The following KCNH5 variants were observed in gnomAD, a reference collection of about 807,000 sequenced individuals.
KCNH5 encodes potassium voltage-gated channel subfamily H member 5.
A neutral mutation model predicts 96.1 loss-of-function variants in KCNH5; 46 were observed. The ratio of observed to expected loss-of-function variants is 0.48; its 90% confidence interval spans 0.38 to 0.61. KCNH5 has a LOEUF of 0.61. KCNH5 is among the 20% of genes least tolerant of loss of function. The pLI, the probability that KCNH5 is intolerant of heterozygous loss-of-function variation, is 0.00. For synonymous variants in KCNH5, 439 were observed against 449.8 expected, an observed-to-expected ratio of 0.98 and a Z score of 0.30; for missense variants, 907 against 1,225.8, an observed-to-expected ratio of 0.74 and a Z score of 3.88.
intron 7 of KCNH5, among the ~76,000 whole-genome samples, chr14:62,897,533 A>C (rs539115958): frequency 3.9e-4 from 59 of 151,546 alleles, no homozygotes; most frequent in African/African-American, 1.3e-3. Context: ...ATATGGGGGG[A>C]AAAAAAACTG....
Position 62,700,726 on chromosome 14 carries a change from C to T in KCNH5, c.*6782G>A, listed in dbSNP as rs1884334719. 1 of 152,094 alleles carries T rather than the reference C, an allele frequency of 6.6e-6. No homozygotes were observed. The highest frequency in any genetic ancestry group is 1.5e-5 in the Non-Finnish European group (1 of 68,010). The allele number at this position is 152,094 out of a possible 1,614,324, so 9.4% of individuals were successfully genotyped here. ...GTTGTGATTTTGCATAGTTTACTAG[C>T]TAGGTATTCTTCCTGTTTGCAGTCT... On this transcript the variant is annotated 3_prime_UTR_variant, in exon 11 of 11. Coordinates refer to ENST00000322893, the MANE Select transcript of KCNH5 (RefSeq NM_139318.5).
chr14:62,807,204 C>T (rs751256546), intron 8 of KCNH5, among the ~76,000 whole-genome samples: 3 of 152,122 alleles, frequency 2.0e-5, no homozygotes, highest in South Asian at 2.1e-4. Context: ...TTGGATTAGA[C>T]TCTGTCAAAG....
chr14:63,021,629 T>C (rs921778068), intron 1 of KCNH5, among the ~76,000 whole-genome samples: 1 of 152,110 alleles, frequency 6.6e-6, no homozygotes, highest in East Asian at 1.9e-4. Context: ...CTATTCTCAC[T>C]GACTCCATCT....
chr14:62,924,124 A>G (rs1390270415), intron 7 of KCNH5, among the ~76,000 whole-genome samples: 2 of 152,066 alleles, frequency 1.3e-5, no homozygotes, highest in East Asian at 3.9e-4. Context: ...ACTCAAAAGC[A>G]AAGAAACAAA....
In KCNH5 at chr14:62,741,037, G is replaced by C. The variant is rs545835101; in HGVS notation, c.2020-32582C>G. 1.1e-4 allele frequency among the ~76,000 whole-genome samples: 17 copies of C among 152,160 alleles called. No homozygotes were observed. In the South Asian group the frequency reaches 2.9e-3, roughly 26 times the overall value. On this transcript the variant is annotated intron_variant, in intron 10 of 10. Coordinates refer to ENST00000322893, the MANE Select transcript of KCNH5 (RefSeq NM_139318.5). ...CTGAGTATGAAACAAAAGCAAAAAT[G>C]CTTATTAATGTAAAAGATATCCCTC... is the stretch of plus-strand genomic sequence containing the variant.
rs1218893302 is a variant in KCNH5 at position 62,699,896 on chromosome 14, A to G, written c.*7612T>C. The G allele has an allele frequency of 3.3e-5, 5 of 152,230 alleles. No homozygotes were observed. The highest frequency in any genetic ancestry group is 9.6e-5 in the African/African-American group (4 of 41,464). The allele number at this position is 152,230 out of a possible 1,614,324, so 9.4% of individuals were successfully genotyped here. A position where few individuals can be genotyped will look rare whatever the true frequency, so the allele number is the denominator to read the frequency against. On this transcript the variant is annotated 3_prime_UTR_variant, in exon 11 of 11. Coordinates refer to ENST00000322893, the MANE Select transcript of KCNH5 (RefSeq NM_139318.5). The stretch of plus-strand genomic sequence containing the variant: ...TGAAAAAAGCCAACAAGTACTGCTT[A>G]GCATAATGGTATTAAAAACATCCCA...
chr14:62,960,916 T>C (rs1343503612), intron 6 of KCNH5, among the ~76,000 whole-genome samples: 2 of 152,184 alleles, frequency 1.3e-5, no homozygotes, highest in African/African-American at 4.8e-5. Flanking sequence ...GTGGCATAAA[T>C]GGCCAGACAG....
chr14:62,769,644 T>C (rs1028572095), intron 10 of KCNH5, among the ~76,000 whole-genome samples: 11 of 152,234 alleles, frequency 7.2e-5, no homozygotes, highest in African/African-American at 2.7e-4. Flanking sequence ...CAATTAATAA[T>C]GGTAATTTTC....
intron 6 of KCNH5, among the ~76,000 whole-genome samples, chr14:62,962,018 GAGATGC>G (rs913503303): frequency 6.6e-5 from 10 of 151,470 alleles, no homozygotes; most frequent in Non-Finnish European, 8.8e-5. Flanking sequence ...GATGGAGATG[GAGATGC>G]AGATGCAGAT....
At chr14:62,746,033 G>T (rs1885368743) in intron 10 of KCNH5, among the ~76,000 whole-genome samples, 1 of 152,116 alleles carries the variant, frequency 6.6e-6, no homozygotes, top group South Asian at 2.1e-4. Flanking sequence ...TGGGGGAAGT[G>T]GCGACAGAGG....
intron 10 of KCNH5, among the ~76,000 whole-genome samples, chr14:62,709,232 C>CAAAAAAAAAAAAAAAAAAAAAAAAAA (rs67304113): frequency 1.4e-5 from 1 of 71,568 alleles, no homozygotes; most frequent in East Asian, 5.4e-4. Flanking sequence ...GACTCCTTCT[C>CAAAAAAAAAAAAAAAAAAAAAAAAAA]AAAAAAAAAA....
rs368523696 is a variant in KCNH5 at position 63,045,229 on chromosome 14, G to C, written c.-43C>G. On this transcript the variant is annotated 5_prime_UTR_variant, in exon 1 of 11. Coordinates refer to ENST00000322893, the MANE Select transcript of KCNH5 (RefSeq NM_139318.5). Reference sequence around the variant, plus strand: ...GCGGCCAGGATCCGCGGCGGGGGAGGGGGGGATGCAGGCAAAGAAGGTGGA... The same window carrying C: ...GCGGCCAGGATCCGCGGCGGGGGAGCGGGGGATGCAGGCAAAGAAGGTGGA... 54 of 1,479,728 alleles carry C rather than the reference G, an allele frequency of 3.6e-5. No homozygotes were observed. The highest frequency in any genetic ancestry group is 2.3e-4 in the South Asian group (20 of 88,380). 91.7% of individuals were successfully genotyped at this position (1,479,728 alleles called of 1,614,324 possible).
chr14:62,817,032 C>G (rs1443943123), intron 8 of KCNH5, among the ~76,000 whole-genome samples: 2 of 142,946 alleles, frequency 1.4e-5, no homozygotes, highest in Admixed American at 1.5e-4. Context: ...ATTTTGTTCA[C>G]GTATTACTTT....
chr14:62,777,421 T>C (rs1312458594), intron 10 of KCNH5, among the ~76,000 whole-genome samples: 1 of 152,214 alleles, frequency 6.6e-6, no homozygotes, highest in African/African-American at 2.4e-5. Flanking sequence ...TAATAAGATA[T>C]TATATGTAAA....
intron 7 of KCNH5, among the ~76,000 whole-genome samples, chr14:62,944,415 G>C (rs1889846777): frequency 1.3e-5 from 2 of 151,978 alleles, no homozygotes; most frequent in African/African-American, 2.4e-5. Context: ...CACACAGATT[G>C]ACTAGAACCC....
chr14:63,002,906 C>T (rs898486326), intron 3 of KCNH5, among the ~76,000 whole-genome samples: 1 of 151,960 alleles, frequency 6.6e-6, no homozygotes, highest in Admixed American at 6.6e-5. Context: ...TTTCTGTTTT[C>T]GTATTTTACA....
chr14:62,928,548 C>T (rs757494203), intron 7 of KCNH5, among the ~76,000 whole-genome samples: 1 of 152,054 alleles, frequency 6.6e-6, no homozygotes, highest in African/African-American at 2.4e-5. Flanking sequence ...AATATTACTA[C>T]CCCATTTTAC....
At chr14:62,795,047 C>T (rs1886511375) in intron 9 of KCNH5, among the ~76,000 whole-genome samples, 1 of 152,132 alleles carries the variant, frequency 6.6e-6, no homozygotes, top group Admixed American at 6.6e-5. Flanking sequence ...GTCTGAGATA[C>T]TTAACACAGT....
intron 10 of KCNH5, among the ~76,000 whole-genome samples, chr14:62,775,262 A>C (rs1012073437): frequency 2.0e-5 from 3 of 152,250 alleles, no homozygotes; most frequent in African/African-American, 4.8e-5. Flanking sequence ...TCCAGGCCCC[A>C]GGTAAAAATC....
Sources: gnomAD v4.1 joint callset for allele counts (sites outside exome capture counted in the v4.1 genomes callset) on GRCh38, gnomAD v4.1.1 for gene constraint, MANE v1.5 for transcripts, NCBI Gene and HGNC (gene_info 2026-07-23, HGNC 2026-07-21) for gene names.